The following DIP2B variants were observed in gnomAD, a reference collection of about 807,000 sequenced individuals.
DIP2B encodes the protein DIP2 acetate--CoA ligase B (putative).
Under a neutral mutation model 198.0 loss-of-function variants are expected in DIP2B, and 76 were observed. The ratio of observed to expected loss-of-function variants is 0.38; its 90% CI spans 0.32 to 0.46. DIP2B has a LOEUF of 0.46. DIP2B is among the 20% of genes least tolerant of loss of function. DIP2B has a pLI of 0.99. For missense variants in DIP2B, 1,559 were observed against 1,978.4 expected (o/e 0.79, Z 4.02); for synonymous variants, 701 against 739.1 (o/e 0.95, Z 0.84).
chr12:50,638,462 ATTACT>A (rs1348468358), intron 2 of DIP2B, among the ~76,000 whole-genome samples: 2 of 152,166 alleles, frequency 1.3e-5, no homozygotes, highest in African/African-American at 4.8e-5. Context: ...ATCACTTGGC[ATTACT>A]TTATTTGGAC....
intron 1 of DIP2B, among the ~76,000 whole-genome samples, chr12:50,543,924 TA>T (rs781505789): frequency 4.6e-4 from 47 of 101,176 alleles, no homozygotes; most frequent in African/African-American, 7.9e-4. Flanking sequence ...ACTCAGCCTT[TA>T]AAAAAAAAAA....
chr12:50,744,442 T>C, intron 37 of DIP2B, 145 bp from the exon 38 acceptor site: 1 of 979,704 alleles, frequency 1.0e-6, no homozygotes, highest in Non-Finnish European at 1.5e-6. Flanking sequence ...AATTGAAAGG[T>C]GTCATATATG....
Position 50,697,134 on chromosome 12 carries a change from G to A in DIP2B, c.2007G>A (p.Pro669=), listed in dbSNP as rs770703708. ...GACTGAAGCCTGAGGCCATCTGTCCGTGCGCCACGTCTGCTGAAGCCATGA... is the reference window on the plus strand; with the variant it reads ...GACTGAAGCCTGAGGCCATCTGTCCATGCGCCACGTCTGCTGAAGCCATGA... The part of the protein sequence containing the change: ...SHGLKPEAIC[P]CATSAEAMTV... Residue 669 remains proline (P), a synonymous_variant, in exon 17 of 38, where the codon CCG becomes CCA. Transcript: ENST00000301180. The A allele has an allele frequency of 1.9e-4, 312 of 1,613,914 alleles. 5 individuals carry two copies. In the Middle Eastern group the frequency reaches 6.4e-3, roughly 33 times the overall value.
At chr12:50,589,984 T>TTCTCTCTC (rs138570603) in intron 1 of DIP2B, among the ~76,000 whole-genome samples, 1 of 150,568 alleles carries the variant, frequency 6.6e-6, no homozygotes, top group Non-Finnish European at 1.5e-5. Context: ...CATTTCCTGT[T>TTCTCTCTC]TCTCTCTCTC....
At chr12:50,736,988 A>G (rs1164897039) in intron 34 of DIP2B, 48 bp from the exon 35 acceptor site, 1 of 1,588,708 alleles carries the variant, frequency 6.3e-7, no homozygotes, top group Non-Finnish European at 8.6e-7. Flanking sequence ...CCTGGAGGTC[A>G]TTAGATTTCA....
At chr12:50,644,199 A>G (rs986947212) in intron 3 of DIP2B, among the ~76,000 whole-genome samples, 2 of 152,210 alleles carry the variant, frequency 1.3e-5, no homozygotes, top group African/African-American at 4.8e-5. Context: ...CTTAATTTCA[A>G]GTATACTACC....
chr12:50,667,465 T>G lies in DIP2B; in HGVS notation c.428-3721T>G, dbSNP rs1592118338. 2.0e-5 allele frequency among the ~76,000 whole-genome samples: 3 copies of G among 152,340 alleles called. No homozygotes were observed. The South Asian group carries it at 6.2e-4, about 32-fold the overall frequency. ...AAATTTCTACAAATTCATAACAATT[T>G]CCTGGGTGACAAATTGCTTTTAAAA... On this transcript the variant is annotated intron_variant, in intron 4 of 37. Coordinates refer to ENST00000301180, the MANE Select transcript of DIP2B (RefSeq NM_173602.3).
intron 4 of DIP2B, among the ~76,000 whole-genome samples, chr12:50,664,836 GTTTTTTTTTTTT>G (rs1159665939): frequency 6.3e-5 from 1 of 15,926 alleles, no homozygotes; most frequent in Non-Finnish European, 2.1e-4. Context: ...TTTGGTTTTT[GTTTTTTTTTTTT>G]TTTTTTTTTT....
intron 1 of DIP2B, among the ~76,000 whole-genome samples, chr12:50,590,100 A>T (rs994047677): frequency 2.6e-5 from 4 of 151,744 alleles, no homozygotes; most frequent in Admixed American, 6.6e-5. Context: ...GGCTCAGATA[A>T]TCCTCCTGCT....
intron 1 of DIP2B, among the ~76,000 whole-genome samples, chr12:50,520,767 G>A (rs1436766194): frequency 6.6e-6 from 1 of 152,168 alleles, no homozygotes; most frequent in Non-Finnish European, 1.5e-5. Flanking sequence ...AGGACAGCAT[G>A]CAGTGTTCTT....
At chr12:50,744,016 T>A (rs996875838) in intron 37 of DIP2B, among the ~76,000 whole-genome samples, 1 of 152,226 alleles carries the variant, frequency 6.6e-6, no homozygotes, top group African/African-American at 2.4e-5. Flanking sequence ...ACAACTTTTT[T>A]TTTGAGACAG....
intron 1 of DIP2B, among the ~76,000 whole-genome samples, chr12:50,520,299 G>A (rs142512355): frequency 0.011 from 1,598 of 152,158 alleles, 30 homozygotes; most frequent in African/African-American, 0.037. Flanking sequence ...GCCTTCCAAA[G>A]TGCGGGGACT....
rs551184828 is a variant in DIP2B at position 50,739,455 on chromosome 12, A to G, written c.4223A>G (p.Tyr1408Cys). 2.5e-6 allele frequency: 4 copies of G among 1,614,168 alleles called. No individual in the cohort carries two copies. The highest frequency in any genetic ancestry group is 1.6e-4 in the Middle Eastern group (1 of 6,062). Residue 1408 changes from tyrosine (Y) to cysteine (C), a missense_variant, in exon 36 of 38, where the codon TAT (tyrosine) becomes TGT (cysteine). Transcript: ENST00000301180. ...PHTASGYYTI[Y>C]DSETLQADHF... Reference sequence around the variant, plus strand: ...ACAGCCAGCGGCTACTACACCATCTATGATAGCGAGACTCTTCAAGCTGAT... The same window carrying G: ...ACAGCCAGCGGCTACTACACCATCTGTGATAGCGAGACTCTTCAAGCTGAT...
intron 7 of DIP2B, among the ~76,000 whole-genome samples, chr12:50,677,783 A>G (rs1368314928): frequency 6.6e-6 from 1 of 152,070 alleles, no homozygotes; most frequent in Non-Finnish European, 1.5e-5. Flanking sequence ...CACTAAACAC[A>G]CAACCAAATT....
chr12:50,508,920 G>A (rs768629967), intron 1 of DIP2B, among the ~76,000 whole-genome samples: 5 of 152,064 alleles, frequency 3.3e-5, no homozygotes, highest in Non-Finnish European at 2.9e-5. Flanking sequence ...GGTGGGTCTC[G>A]ATCTCCCGAC....
intron 26 of DIP2B, among the ~76,000 whole-genome samples, chr12:50,721,719 G>A (rs1339631319): frequency 6.6e-6 from 1 of 152,316 alleles, no homozygotes; most frequent in Middle Eastern, 3.4e-3. Context: ...CAGATGCTTT[G>A]TTTCTATGAA....
At chr12:50,634,585 G>T (rs1460754181) in intron 2 of DIP2B, among the ~76,000 whole-genome samples, 3 of 152,090 alleles carry the variant, frequency 2.0e-5, no homozygotes, top group Admixed American at 2.0e-4. Flanking sequence ...TCTACTTAGG[G>T]GTTTGTTCAA....
At chr12:50,706,708 T>C in intron 21 of DIP2B, 43 bp downstream of exon 21, 1 of 1,598,110 alleles carries the variant, frequency 6.3e-7, no homozygotes, top group Non-Finnish European at 8.6e-7. Flanking sequence ...TTTAATGGAA[T>C]CTAAATACAT....
intron 1 of DIP2B, among the ~76,000 whole-genome samples, chr12:50,584,215 G>A (rs189943753): frequency 6.6e-4 from 101 of 152,266 alleles, no homozygotes; most frequent in African/African-American, 2.4e-3. Context: ...TCAGTAACCT[G>A]TGACCCAGAC....
Sources: gnomAD v4.1 joint callset for allele counts (sites outside exome capture counted in the v4.1 genomes callset) on GRCh38, gnomAD v4.1.1 for gene constraint, MANE v1.5 for transcripts, NCBI Gene and HGNC (gene_info 2026-07-23, HGNC 2026-07-21) for gene names.